TGS1: variants seen among roughly 807,000 people sequenced by gnomAD.
TGS1 encodes trimethylguanosine synthase.
TGS1 carries 69 observed loss-of-function variants against 92.2 expected under a neutral mutation model. That is an observed-to-expected ratio of 0.75 (90% confidence interval 0.62 to 0.91). The LOEUF (loss-of-function observed/expected upper bound fraction) is 0.91. TGS1 is among the 40% of genes least tolerant of loss of function. TGS1 has a pLI of 0.00. For missense variants in TGS1, 1,062 were observed against 1,001.2 expected (o/e 1.06, Z -0.82); for synonymous variants, 345 against 338.1 (o/e 1.02, Z -0.22).
chr8:55,814,557 C>T (rs562456462), intron 12 of TGS1, among the ~76,000 whole-genome samples: 1 of 151,218 alleles, frequency 6.6e-6, no homozygotes, highest in East Asian at 2.0e-4. Flanking sequence ...GGTGTGATGG[C>T]TCAGACCTGT....
At chr8:55,821,683 C>T (rs1276054388) in intron 12 of TGS1, among the ~76,000 whole-genome samples, 1 of 152,008 alleles carries the variant, frequency 6.6e-6, no homozygotes, top group Non-Finnish European at 1.5e-5. Flanking sequence ...ACCACCCTGG[C>T]TAACACGGTG....
chr8:55,793,766 A>AT, intron 6 of TGS1, among the ~76,000 whole-genome samples: 1 of 127,180 alleles, frequency 7.9e-6, no homozygotes, highest in African/African-American at 3.1e-5. Flanking sequence ...TTATTTATTT[A>AT]TTTATTTATT....
At chr8:55,822,348 G>A (rs1010310414) in intron 12 of TGS1, among the ~76,000 whole-genome samples, 5 of 152,068 alleles carry the variant, frequency 3.3e-5, no homozygotes, top group Admixed American at 2.6e-4. Flanking sequence ...GGGATTACAG[G>A]CATGAGCCAC....
chr8:55,773,717 G>T lies in TGS1; in HGVS notation c.99G>T (p.Val33=), dbSNP rs755049318. The T allele has an allele frequency of 6.2e-7, 1 of 1,606,686 alleles. No individual in the cohort carries two copies. The highest frequency in any genetic ancestry group is 8.5e-7 in the Non-Finnish European group (1 of 1,175,596). Residue 33 remains valine, a splice_region_variant and synonymous_variant, in exon 1 of 13, where the codon GTG becomes GTT. Transcript: ENST00000260129. The stretch of plus-strand genomic sequence containing the variant: ...TGTGCCTTTGCTCCAGGGCATTTGT[G>T]GAGTAAGTAGAAAAGAGAATCTCTT... ...KILCLCSRAF[V]EDRKLYNLGL...
At chr8:55,804,222 C>T (rs1261994707) in intron 9 of TGS1, among the ~76,000 whole-genome samples, 1 of 152,168 alleles carries the variant, frequency 6.6e-6, no homozygotes, top group East Asian at 1.9e-4. Context: ...AGGCAAATCA[C>T]TTGAGGCCAG....
intron 1 of TGS1, among the ~76,000 whole-genome samples, chr8:55,775,472 T>C (rs939583238): frequency 6.6e-6 from 1 of 152,016 alleles, no homozygotes; most frequent in Non-Finnish European, 1.5e-5. Flanking sequence ...GGCAAGAGAT[T>C]ATAGTGACTT....
chr8:55,801,983 G>A (rs868123760), intron 8 of TGS1, among the ~76,000 whole-genome samples: 15 of 152,060 alleles, frequency 9.9e-5, no homozygotes, highest in African/African-American at 2.9e-4. Flanking sequence ...TCACAAGCTC[G>A]GGAGATCAAG....
At chr8:55,800,802 C>A (rs1757228819) in intron 8 of TGS1, among the ~76,000 whole-genome samples, 1 of 152,176 alleles carries the variant, frequency 6.6e-6, no homozygotes, top group South Asian at 2.1e-4. Context: ...TTACAATGAT[C>A]AGATGAACAT....
intron 1 of TGS1, among the ~76,000 whole-genome samples, chr8:55,780,426 G>A (rs1325875654): frequency 6.6e-6 from 1 of 152,122 alleles, no homozygotes; most frequent in African/African-American, 2.4e-5. Context: ...TCATGCCTTA[G>A]CAGGAGTGCC....
chr8:55,811,264 AC>A (rs1803332712), intron 11 of TGS1, among the ~76,000 whole-genome samples, 167 bp downstream of exon 11: 1 of 151,656 alleles, frequency 6.6e-6, no homozygotes, highest in Non-Finnish European at 1.5e-5. Context: ...GGAGTTCGAG[AC>A]CAGCCTGGCC....
chr8:55,773,498 G>C lies in TGS1; in HGVS notation c.-121G>C, dbSNP rs1447632872. On this transcript the variant is annotated 5_prime_UTR_variant, in exon 1 of 13. Transcript: ENST00000260129. ...TCCCGGCGCGAGCGGCCGCGGGCCAGTTTCTATCTCCTCATCCAGGGCTTG... is the reference window on the plus strand; with the variant it reads ...TCCCGGCGCGAGCGGCCGCGGGCCACTTTCTATCTCCTCATCCAGGGCTTG... 2 of 697,758 alleles carry C rather than the reference G, an allele frequency of 2.9e-6. No homozygotes were observed. Among genetic ancestry groups the C allele is most frequent in the Admixed American group, 3.6e-5 (1 of 27,870 alleles). The allele number at this position is 697,758 out of a possible 1,614,324, so 43.2% of individuals were successfully genotyped here.
intron 8 of TGS1, among the ~76,000 whole-genome samples, chr8:55,800,713 C>G (rs1585776244): frequency 6.6e-6 from 1 of 152,204 alleles, no homozygotes; most frequent in Admixed American, 6.6e-5. Flanking sequence ...CAAATAATCA[C>G]CTTACTTTGC....
chr8:55,813,066 AGAT>A lies in TGS1; in HGVS notation c.2388_2390del (p.Lys796_Ile797delinsAsn). 1 of 1,610,838 alleles carries A rather than the reference AGAT, an allele frequency of 6.2e-7. No homozygotes were observed. The highest frequency in any genetic ancestry group is 8.5e-7 in the Non-Finnish European group (1 of 1,177,916). The stretch of plus-strand genomic sequence containing the variant: ...TTTGAAATTTTCAGACTTTCTAAGA[AGAT>A]CACTAATAATATTGTTTATTTTCTT... On this transcript the variant is annotated inframe_deletion, in exon 12 of 13. Coordinates refer to ENST00000260129, the MANE Select transcript of TGS1 (RefSeq NM_024831.8).
intron 6 of TGS1, among the ~76,000 whole-genome samples, chr8:55,795,503 A>T (rs891026904): frequency 6.6e-6 from 1 of 152,202 alleles, no homozygotes; most frequent in Non-Finnish European, 1.5e-5. Context: ...TCAGATGGTT[A>T]AATCAGGCAT....
In TGS1 at chr8:55,785,947, C is replaced by A; in HGVS notation, c.339+56C>A. ...TCTCTTCGTTTTCTTTATAAAATAT[C>A]GCAAGGAATTACTTTTTATCAGATT... On this transcript the variant is annotated intron_variant, in intron 3 of 12. Transcript: ENST00000260129. 3.5e-6 allele frequency: 5 copies of A among 1,409,978 alleles called. No individual in the cohort carries two copies. In the South Asian group the frequency reaches 6.6e-5, roughly 19 times the overall value. 87.3% of individuals were successfully genotyped at this position (1,409,978 alleles called of 1,614,324 possible). A position where few individuals can be genotyped will look rare whatever the true frequency, so the allele number is the denominator to read the frequency against.
chr8:55,816,458 T>C (rs976326882), intron 12 of TGS1, among the ~76,000 whole-genome samples: 1 of 152,224 alleles, frequency 6.6e-6, no homozygotes, highest in African/African-American at 2.4e-5. Flanking sequence ...CTGTTTGATA[T>C]GGCAGCTTCT....
chr8:55,802,892 T>C (rs1222485466), intron 9 of TGS1, among the ~76,000 whole-genome samples: 4 of 152,248 alleles, frequency 2.6e-5, no homozygotes, highest in Non-Finnish European at 5.9e-5. Flanking sequence ...AACTTAACAT[T>C]GTTCCAATAT....
rs1239665003 is a variant in TGS1, at chr8:55,819,463, AT to A, written c.2440-5104del. On this transcript the variant is annotated intron_variant, in intron 12 of 12. Transcript: ENST00000260129. ...AGGCATATGCCACTATGCCCGGCTA[AT>A]TTTTTTTTTTTTTAGTAGAGACGGG... Among the ~76,000 whole-genome samples, 403 of 141,556 alleles carry A rather than the reference AT, an allele frequency of 2.8e-3. 1 individual carries two copies. The highest frequency in any genetic ancestry group is 3.1e-3 in the East Asian group (15 of 4,886). 92.9% of individuals were successfully genotyped at this position (141,556 alleles called of 152,430 possible). A position where few individuals can be genotyped will look rare whatever the true frequency, so the allele number is the denominator to read the frequency against.
At chr8:55,817,409 GAATA>G (rs1225849714) in intron 12 of TGS1, among the ~76,000 whole-genome samples, 2 of 152,096 alleles carry the variant, frequency 1.3e-5, no homozygotes, top group Non-Finnish European at 2.9e-5. Flanking sequence ...ATTTGAATTT[GAATA>G]AATATGAAAA....
Sources: allele counts gnomAD v4.1 joint callset (sites outside exome capture counted in the v4.1 genomes callset), GRCh38; gene constraint gnomAD v4.1.1; transcripts MANE v1.5; gene names NCBI Gene and HGNC (gene_info 2026-07-23, HGNC 2026-07-21).